The following RALYL variants were observed in gnomAD, a reference collection of about 807,000 sequenced individuals.
The protein encoded by RALYL is RNA-binding Raly-like protein.
Under a neutral mutation model 35.1 loss-of-function variants are expected in RALYL, and 29 were observed. That is an observed-to-expected ratio of 0.83 (90% CI 0.61 to 1.13). The LOEUF (loss-of-function observed/expected upper bound fraction) is 1.13, where lower values mean the gene tolerates loss of function less well. Among genes scored for constraint, RALYL ranks in the 50% most tolerant of loss-of-function variants. The probability of loss-of-function intolerance (pLI) is 0.00; values close to 1 mark genes in which losing one functional copy is unlikely to be tolerated. For synonymous variants in RALYL, 120 were observed against 127.6 expected, an observed-to-expected ratio of 0.94 and a Z score of 0.40; for missense variants, 359 against 360.4, an observed-to-expected ratio of 1.00 and a Z score of 0.03.
intron 1 of RALYL, among the ~76,000 whole-genome samples, chr8:84,489,409 T>A (rs2055007298): frequency 6.6e-6 from 1 of 152,078 alleles, no homozygotes; most frequent in Non-Finnish European, 1.5e-5. Flanking sequence ...TTTAGTTAAC[T>A]TTGAATACCG....
At chr8:84,575,315 A>G (rs1588280068) in intron 2 of RALYL, among the ~76,000 whole-genome samples, 1 of 152,334 alleles carries the variant, frequency 6.6e-6, no homozygotes, top group Non-Finnish European at 1.5e-5. Context: ...TATATGAAAT[A>G]GTGAAGATTA....
chr8:84,646,579 A>AT (rs570562143), intron 2 of RALYL, among the ~76,000 whole-genome samples: 1 of 151,700 alleles, frequency 6.6e-6, no homozygotes, highest in Non-Finnish European at 1.5e-5. Context: ...ATGTGGTCTG[A>AT]TTTTTTTTCT....
At chr8:84,547,494 C>G in intron 2 of RALYL, among the ~76,000 whole-genome samples, 1 of 152,070 alleles carries the variant, frequency 6.6e-6, no homozygotes, top group South Asian at 2.1e-4. Flanking sequence ...ATTCTCCTAC[C>G]TCAGCCTCCC....
chr8:84,314,804 A>G (rs1289750288), intron 1 of RALYL, among the ~76,000 whole-genome samples: 1 of 152,192 alleles, frequency 6.6e-6, no homozygotes, highest in Admixed American at 6.5e-5. Flanking sequence ...TTTGATATGT[A>G]TTTTCTTAAG....
intron 2 of RALYL, among the ~76,000 whole-genome samples, chr8:84,749,156 AT>A (rs1809344504): frequency 6.6e-6 from 1 of 152,176 alleles, no homozygotes; most frequent in Admixed American, 6.5e-5. Flanking sequence ...AGACACAGGA[AT>A]CCTTTGATGA....
At chr8:84,483,959 A>G (rs951410028) in intron 1 of RALYL, among the ~76,000 whole-genome samples, 1 of 152,084 alleles carries the variant, frequency 6.6e-6, no homozygotes, top group South Asian at 2.1e-4. Flanking sequence ...TGAGATATGT[A>G]AATTTTTTTT....
chr8:84,483,721 T>C (rs117452637), intron 1 of RALYL, among the ~76,000 whole-genome samples: 4,540 of 152,256 alleles, frequency 0.03, 116 homozygotes, highest in Non-Finnish European at 0.038. Flanking sequence ...GAAGCTATTG[T>C]GTTTTTGCAA....
chr8:84,425,483 G>A (rs1587106422), intron 1 of RALYL, among the ~76,000 whole-genome samples: 2 of 152,300 alleles, frequency 1.3e-5, no homozygotes, highest in African/African-American at 4.8e-5. Context: ...CAGTACCTCA[G>A]ATGGAAATGC....
chr8:84,203,717 A>T (rs569794398), intron 1 of RALYL, among the ~76,000 whole-genome samples: 15 of 152,290 alleles, frequency 9.8e-5, no homozygotes, highest in African/African-American at 3.1e-4. Flanking sequence ...TACAGAACAC[A>T]CACTGCATTT....
At chr8:84,862,578 G>GA (rs1490876579) in intron 6 of RALYL, 125 bp downstream of exon 6, 1 of 738,146 alleles carries the variant, frequency 1.4e-6, no homozygotes, top group Non-Finnish European at 2.0e-6. Flanking sequence ...TAAAGTGTTA[G>GA]AAAATCATAA....
chr8:84,375,640 C>T lies in RALYL; in HGVS notation c.-23-153659C>T, dbSNP rs541112028. Reference sequence around the variant, plus strand: ...GAATGTTAATGGTACAAAAGTGGTACGCAAATTCATGCTTTTTTGAGGACT... The same window carrying T: ...GAATGTTAATGGTACAAAAGTGGTATGCAAATTCATGCTTTTTTGAGGACT... On this transcript the variant is annotated intron_variant, in intron 1 of 8. Transcript: ENST00000521268. Among the ~76,000 whole-genome samples the T allele has an allele frequency of 1.8e-4, 28 of 151,810 alleles. No homozygotes were observed. The East Asian group carries it at 3.9e-3, about 21-fold the overall frequency.
intron 1 of RALYL, among the ~76,000 whole-genome samples, chr8:84,386,533 GGTA>G (rs1859240871): frequency 1.3e-5 from 2 of 151,692 alleles, no homozygotes; most frequent in Non-Finnish European, 2.9e-5. Flanking sequence ...AGTTCCATTG[GGTA>G]GTAGTACCTT....
intron 1 of RALYL, among the ~76,000 whole-genome samples, chr8:84,490,948 A>T (rs2055221972): frequency 6.6e-6 from 1 of 151,778 alleles, no homozygotes; most frequent in Admixed American, 6.6e-5. Flanking sequence ...TGGAGGAAGG[A>T]TTCCATTTAT....
rs927730444 is a variant in RALYL, at chr8:84,862,583, T to G, written c.571+130T>G. ...CTGCTATGTATAAAGTGTTAGAAAA[T>G]CATAAGATGGATAAAAAATGGTCTC... On this transcript the variant is annotated intron_variant, in intron 6 of 8. Coordinates refer to ENST00000521268, the MANE Select transcript of RALYL (RefSeq NM_173848.7). 5.7e-6 allele frequency: 4 copies of G among 701,328 alleles called. No individual in the cohort carries two copies. The African/African-American group carries it at 7.5e-5, about 13-fold the overall frequency. 43.4% of individuals were successfully genotyped at this position (701,328 alleles called of 1,614,324 possible). A position where few individuals can be genotyped will look rare whatever the true frequency, so the allele number is the denominator to read the frequency against.
chr8:84,201,160 G>A (rs1003500316), intron 1 of RALYL, among the ~76,000 whole-genome samples: 3 of 152,144 alleles, frequency 2.0e-5, no homozygotes, highest in Non-Finnish European at 4.4e-5. Context: ...CCATGATGAG[G>A]TGAGTGAAGT....
chr8:84,209,497 G>A (rs1818931798), intron 1 of RALYL, among the ~76,000 whole-genome samples: 1 of 152,180 alleles, frequency 6.6e-6, no homozygotes, highest in Non-Finnish European at 1.5e-5. Flanking sequence ...GTTATTGTGA[G>A]TGTCACCTTT....
At chr8:84,803,992 C>T (rs1823987449) in intron 3 of RALYL, among the ~76,000 whole-genome samples, 1 of 152,130 alleles carries the variant, frequency 6.6e-6, no homozygotes, top group Non-Finnish European at 1.5e-5. Context: ...CACTTACCAA[C>T]AGGTTTCCTT....
At chr8:84,320,002 TA>T (rs1389290970) in intron 1 of RALYL, among the ~76,000 whole-genome samples, 4 of 152,096 alleles carry the variant, frequency 2.6e-5, no homozygotes, top group Non-Finnish European at 5.9e-5. Flanking sequence ...TCAGTGTGTA[TA>T]AATTCCTAAA....
chr8:84,183,189 C>G (rs1393175226), upstream of RALYL: 2 of 155,392 alleles, frequency 1.3e-5, no homozygotes, highest in Non-Finnish European at 2.9e-5. Flanking sequence ...GCTCGGCTCC[C>G]CCTCTCGCCG....
Sources: gnomAD v4.1 joint callset for allele counts (sites outside exome capture counted in the v4.1 genomes callset) on GRCh38, gnomAD v4.1.1 for gene constraint, MANE v1.5 for transcripts, NCBI Gene and HGNC (gene_info 2026-07-23, HGNC 2026-07-21) for gene names.